Variants in OSBPL6 observed in about 807,000 individuals in gnomAD.
The protein encoded by OSBPL6 is oxysterol-binding protein-related protein 6.
A neutral mutation model predicts 125.8 loss-of-function variants in OSBPL6; 49 were observed. The observed-to-expected ratio is 0.39, with a 90% CI of 0.31 to 0.49. OSBPL6 has a LOEUF of 0.49. Ranked by LOEUF, OSBPL6 falls within the 20% of genes least tolerant of loss-of-function variation. The pLI is 0.88. For synonymous variants in OSBPL6, 394 were observed against 391.8 expected (o/e 1.01, Z -0.07); for missense variants, 986 against 1,135.4 (o/e 0.87, Z 1.89).
chr2:178,204,025 C>CTT (rs1166160655), intron 1 of OSBPL6, among the ~76,000 whole-genome samples: 1,902 of 128,948 alleles, frequency 0.015, 57 homozygotes, highest in African/African-American at 0.049. Context: ...TTTTCTTTTT[C>CTT]TTTTTTTTTT....
At chr2:178,308,276 AT>A (rs779519758) in intron 3 of OSBPL6, among the ~76,000 whole-genome samples, 9 of 152,202 alleles carry the variant, frequency 5.9e-5, no homozygotes, top group South Asian at 4.1e-4. Flanking sequence ...AAACCTCAGA[AT>A]TAACTTAGGG....
intron 1 of OSBPL6, among the ~76,000 whole-genome samples, chr2:178,208,644 C>T (rs1421281897): frequency 8.3e-6 from 1 of 120,986 alleles, no homozygotes; most frequent in Admixed American, 8.5e-5. Context: ...CCCCTCCCCT[C>T]CCTTCCCCTC....
intron 1 of OSBPL6, among the ~76,000 whole-genome samples, chr2:178,235,023 C>T (rs2090990332): frequency 6.6e-6 from 1 of 152,182 alleles, no homozygotes; most frequent in Non-Finnish European, 1.5e-5. Flanking sequence ...TCTTGTTAAC[C>T]TCTGTGATGA....
chr2:178,384,362 A>G (rs879703671), intron 18 of OSBPL6, among the ~76,000 whole-genome samples, 186 bp downstream of exon 18: 1 of 152,236 alleles, frequency 6.6e-6, no homozygotes, highest in Non-Finnish European at 1.5e-5. Flanking sequence ...CACCCATGAC[A>G]CAGCCTCAGG....
At chr2:178,227,866 G>T (rs1325289559) in intron 1 of OSBPL6, among the ~76,000 whole-genome samples, 1 of 152,162 alleles carries the variant, frequency 6.6e-6, no homozygotes, top group Non-Finnish European at 1.5e-5. Context: ...AAGATGAGAT[G>T]GGAGGACCAT....
Position 178,395,971 on chromosome 2 carries a change from C to G in OSBPL6, c.*412C>G, listed in dbSNP as rs1695821924. 1 of 355,560 alleles carries G rather than the reference C, an allele frequency of 2.8e-6. No individual in the cohort carries two copies. Among genetic ancestry groups the G allele is most frequent in the African/African-American group, 2.1e-5 (1 of 46,814 alleles). 22.0% of individuals were successfully genotyped at this position (355,560 alleles called of 1,614,324 possible). A position where few individuals can be genotyped will look rare whatever the true frequency, so the allele number is the denominator to read the frequency against. On this transcript the variant is annotated 3_prime_UTR_variant, in exon 25 of 25. Coordinates refer to ENST00000190611, the MANE Select transcript of OSBPL6 (RefSeq NM_032523.4). Reference sequence around the variant, plus strand: ...ACTGTCTGGAAGCACCATCCCCTATCGCAGGACTCCTGGGCCACAAGCAGT... The same window carrying G: ...ACTGTCTGGAAGCACCATCCCCTATGGCAGGACTCCTGGGCCACAAGCAGT...
chr2:178,306,396 C>T (rs1686762636), intron 3 of OSBPL6, 110 bp downstream of exon 3: 2 of 686,156 alleles, frequency 2.9e-6, no homozygotes, highest in East Asian at 5.3e-5. Flanking sequence ...GTCTTTTATT[C>T]CAAGTGAAAA....
intron 13 of OSBPL6, among the ~76,000 whole-genome samples, chr2:178,367,720 A>C (rs1244212871): frequency 6.6e-6 from 1 of 152,242 alleles, no homozygotes; most frequent in Non-Finnish European, 1.5e-5. Context: ...ATTAGCCTTG[A>C]AATGTGCATA....
chr2:178,361,897 A>T, intron 13 of OSBPL6, 82 bp downstream of exon 13: 1 of 1,552,142 alleles, frequency 6.4e-7, no homozygotes, highest in Non-Finnish European at 8.8e-7. Flanking sequence ...GGGGGCTGGC[A>T]GGGAGGTGGC....
intron 1 of OSBPL6, among the ~76,000 whole-genome samples, chr2:178,252,016 C>T (rs921705994): frequency 3.9e-5 from 6 of 152,296 alleles, no homozygotes; most frequent in African/African-American, 1.2e-4. Context: ...GACGTATGAG[C>T]TGCTACACCA....
At chr2:178,379,578 C>G (rs957017376) in intron 15 of OSBPL6, among the ~76,000 whole-genome samples, 25 of 152,140 alleles carry the variant, frequency 1.6e-4, no homozygotes, top group African/African-American at 5.8e-4. Context: ...AATGTTCAAA[C>G]AATAAACATG....
chr2:178,325,768 G>A (rs968089696), intron 4 of OSBPL6, among the ~76,000 whole-genome samples: 18 of 152,088 alleles, frequency 1.2e-4, no homozygotes, highest in African/African-American at 3.4e-4. Context: ...ATAGTTTTCC[G>A]GCATGAAGGC....
At chr2:178,268,376 C>A (rs2092298739) in intron 1 of OSBPL6, among the ~76,000 whole-genome samples, 2 of 152,284 alleles carry the variant, frequency 1.3e-5, no homozygotes, top group Non-Finnish European at 1.5e-5. Context: ...ACCACTGCAC[C>A]TGGCCCTTAT....
At chr2:178,342,757 G>A (rs536693976) in intron 11 of OSBPL6, among the ~76,000 whole-genome samples, 20 of 152,232 alleles carry the variant, frequency 1.3e-4, no homozygotes, top group Middle Eastern at 3.4e-3. Context: ...TTGAAAGAGC[G>A]GTTAGATCTC....
chr2:178,366,253 G>A (rs369518064), intron 13 of OSBPL6, among the ~76,000 whole-genome samples: 26 of 152,226 alleles, frequency 1.7e-4, no homozygotes, highest in African/African-American at 4.3e-4. Flanking sequence ...TAAAACTAAG[G>A]CAACCTCAGC....
At chr2:178,255,982 G>T (rs916164229) in intron 1 of OSBPL6, among the ~76,000 whole-genome samples, 5 of 152,136 alleles carry the variant, frequency 3.3e-5, no homozygotes, top group Admixed American at 6.5e-5. Context: ...TTTCTGTGCT[G>T]GGGGGTTGGA....
At chr2:178,369,128 T>C (rs1469660358) in intron 13 of OSBPL6, among the ~76,000 whole-genome samples, 3 of 152,132 alleles carry the variant, frequency 2.0e-5, no homozygotes, top group Non-Finnish European at 4.4e-5. Flanking sequence ...TTAACTGAGA[T>C]TTATCTCTTT....
intron 1 of OSBPL6, among the ~76,000 whole-genome samples, chr2:178,225,219 C>T (rs1406993317): frequency 6.6e-6 from 1 of 151,106 alleles, no homozygotes; most frequent in Non-Finnish European, 1.5e-5. Context: ...CCACAGAACC[C>T]TTGGTCAGGT....
chr2:178,209,078 C>G (rs1213579135), intron 1 of OSBPL6, among the ~76,000 whole-genome samples: 1 of 152,120 alleles, frequency 6.6e-6, no homozygotes, highest in Non-Finnish European at 1.5e-5. Context: ...AGTATTTTCT[C>G]TCTTTATGTT....
Sources: gnomAD v4.1 joint callset for allele counts (sites outside exome capture counted in the v4.1 genomes callset) on GRCh38, gnomAD v4.1.1 for gene constraint, MANE v1.5 for transcripts, NCBI Gene and HGNC (gene_info 2026-07-23, HGNC 2026-07-21) for gene names.